Variants in GOLGA4 observed in about 807,000 individuals in gnomAD.
GOLGA4 encodes golgin subfamily A member 4.
In GOLGA4, 169 loss-of-function variants were observed where a neutral mutation model predicts 265.9. The observed-to-expected ratio is 0.64, with a 90% confidence interval of 0.56 to 0.72. GOLGA4 has a LOEUF of 0.72. GOLGA4 is among the 30% of genes least tolerant of loss of function. The probability of loss-of-function intolerance (pLI) is 0.00; values close to 1 mark genes in which losing one functional copy is unlikely to be tolerated. For synonymous variants in GOLGA4, 923 were observed against 855.8 expected (o/e 1.08, Z -1.37); for missense variants, 2,482 against 2,483.4 (o/e 1.00, Z 0.01).
In GOLGA4 at chr3:37,282,176, G is replaced by A; in HGVS notation, c.381G>A (p.Leu127=). The change falls in exon 3 of 24, where the codon TTG becomes TTA. Residue 127 remains leucine, a synonymous_variant. Transcript: ENST00000361924. ...PSDMDSEAED[L]VGNSDSLNKE... ...ATATGGATAGCGAGGCTGAAGACTT[G>A]GTAGGGAATTCAGACAGTCTCAACA... The A allele has an allele frequency of 6.2e-7, 1 of 1,614,078 alleles. No homozygotes were observed. The highest frequency in any genetic ancestry group is 8.5e-7 in the Non-Finnish European group (1 of 1,179,908).
At chr3:37,258,071 A>ATGTATATATG (rs2096758262) in intron 2 of GOLGA4, among the ~76,000 whole-genome samples, 2 of 53,178 alleles carry the variant, frequency 3.8e-5, no homozygotes, top group African/African-American at 1.2e-4. Flanking sequence ...GTATATATGT[A>ATGTATATATG]TATATATATG....
chr3:37,347,095 C>T lies in GOLGA4; in HGVS notation c.6473-98C>T, dbSNP rs539349489. 1.7e-5 allele frequency: 12 copies of T among 689,560 alleles called. No individual in the cohort carries two copies. The Admixed American group carries it at 2.7e-4, about 16-fold the overall frequency. The allele number at this position is 689,560 out of a possible 1,614,324, so 42.7% of individuals were successfully genotyped here. On this transcript the variant is annotated intron_variant, in intron 20 of 23. Transcript: ENST00000361924. ...TGATACAATATAAAAGCATGCCTCT[C>T]TTTGTTCCATTGGTTGTTTTTTAAA...
At chr3:37,306,119 G>A (rs532118370) in intron 10 of GOLGA4, among the ~76,000 whole-genome samples, 8 of 152,294 alleles carry the variant, frequency 5.3e-5, no homozygotes, top group South Asian at 2.1e-4. Context: ...ATACAGTGGT[G>A]TACCGATTTC....
At chr3:37,328,613 G>A (rs2096980021) in intron 15 of GOLGA4, 76 bp downstream of exon 15, 1 of 1,317,172 alleles carries the variant, frequency 7.6e-7, no homozygotes, top group East Asian at 2.4e-5. Context: ...TTTTGCAGTG[G>A]TGGTAAGTGC....
chr3:37,356,274 C>T (rs2097090818), intron 22 of GOLGA4, among the ~76,000 whole-genome samples: 2 of 152,114 alleles, frequency 1.3e-5, no homozygotes, highest in Non-Finnish European at 2.9e-5. Flanking sequence ...CTCTGACTCT[C>T]TGCACAAGGT....
chr3:37,292,718 G>A (rs1490866575), intron 5 of GOLGA4, among the ~76,000 whole-genome samples: 2 of 151,958 alleles, frequency 1.3e-5, no homozygotes, highest in African/African-American at 4.8e-5. Flanking sequence ...AAAACAATTA[G>A]GAAGGACATA....
chr3:37,264,182 C>T (rs2096777560), intron 2 of GOLGA4, among the ~76,000 whole-genome samples: 2 of 152,152 alleles, frequency 1.3e-5, no homozygotes, highest in Admixed American at 1.3e-4. Flanking sequence ...AAATATACTC[C>T]TCTGAAGTTT....
intron 3 of GOLGA4, among the ~76,000 whole-genome samples, chr3:37,283,983 G>A (rs1167972225): frequency 6.6e-6 from 1 of 152,182 alleles, no homozygotes; most frequent in African/African-American, 2.4e-5. Context: ...TAGTTGCAGT[G>A]TCTGGATTTG....
At chr3:37,334,045 C>G (rs2097000766) in intron 16 of GOLGA4, among the ~76,000 whole-genome samples, 1 of 152,148 alleles carries the variant, frequency 6.6e-6, no homozygotes, top group African/African-American at 2.4e-5. Context: ...CCTCATTACT[C>G]AAATCAGATC....
chr3:37,276,493 A>G, intron 2 of GOLGA4: 2 of 1,610,012 alleles, frequency 1.2e-6, no homozygotes, highest in South Asian at 1.1e-5. Flanking sequence ...GCAAATGTAA[A>G]AAGAAGAATT....
chr3:37,323,931 A>G lies in GOLGA4; in HGVS notation c.2045A>G (p.Lys682Arg). 1.9e-6 allele frequency: 3 copies of G among 1,613,724 alleles called. No individual in the cohort carries two copies. Among genetic ancestry groups the G allele is most frequent in the Non-Finnish European group, 2.5e-6 (3 of 1,179,962 alleles). ...AAGACTTTAGAAAAGCTTGATGTGA[A>G]GCAAACAGAACTAGAATCATTATCT... ...NEKTLEKLDV[K>R]QTELESLSSE... Residue 682 changes from lysine (K) to arginine (R), a missense_variant, in exon 14 of 24, where the codon AAG (lysine) becomes AGG (arginine). Lys to Arg is a conservative substitution (Grantham distance 26). Around this residue, in one of 3 missense-constraint regions of GOLGA4, gnomAD observed 1,536 missense variants for 1,483.7 expected, o/e 1.04. Coordinates refer to ENST00000361924, the MANE Select transcript of GOLGA4 (RefSeq NM_002078.5).
chr3:37,281,829 A>G, intron 2 of GOLGA4, 129 bp from the exon 3 acceptor site: 6 of 724,444 alleles, frequency 8.3e-6, no homozygotes, highest in East Asian at 2.5e-5. Context: ...AAAACAATGT[A>G]TTATGTAAAA....
chr3:37,247,558 C>A (rs2096722865), intron 1 of GOLGA4, among the ~76,000 whole-genome samples: 1 of 152,200 alleles, frequency 6.6e-6, no homozygotes, highest in Non-Finnish European at 1.5e-5. Context: ...CTAAGGATGA[C>A]TGGATTAGTT....
chr3:37,330,871 T>C (rs2096987818), intron 16 of GOLGA4, among the ~76,000 whole-genome samples: 1 of 151,402 alleles, frequency 6.6e-6, no homozygotes, highest in Non-Finnish European at 1.5e-5. Context: ...CTACTAAAAA[T>C]AAAAAAAATT....
chr3:37,301,274 G>C lies in GOLGA4; in HGVS notation c.1087-911G>C, dbSNP rs6795083. ...TCCCCTGCCGACCTCCATTTCTAGTGTAGATTATCCAGAAAGAGGGAACAG... is the reference window on the plus strand; with the variant it reads ...TCCCCTGCCGACCTCCATTTCTAGTCTAGATTATCCAGAAAGAGGGAACAG... On this transcript the variant is annotated intron_variant, in intron 9 of 23. Coordinates refer to ENST00000361924, the MANE Select transcript of GOLGA4 (RefSeq NM_002078.5). Among the ~76,000 whole-genome samples the C allele has an allele frequency of 3.4e-3, 525 of 152,272 alleles. 4 individuals are homozygous for C. The highest frequency in any genetic ancestry group is 0.012 in the African/African-American group (501 of 41,548).
intron 2 of GOLGA4, among the ~76,000 whole-genome samples, chr3:37,261,950 A>G (rs1352212616): frequency 6.6e-6 from 1 of 152,310 alleles, no homozygotes; most frequent in East Asian, 1.9e-4. Flanking sequence ...GGAAGGACAA[A>G]GATAATACCT....
chr3:37,334,478 A>G (rs541098185), intron 16 of GOLGA4, among the ~76,000 whole-genome samples: 15 of 152,286 alleles, frequency 9.8e-5, no homozygotes, highest in African/African-American at 3.4e-4. Flanking sequence ...ACAAAGGACC[A>G]TCTGTTGATT....
At position 37,332,724 on chromosome 3, in the gene GOLGA4, T is replaced by C. The variant is rs551992629; in HGVS notation, c.6193-2329T>C. On this transcript the variant is annotated intron_variant, in intron 16 of 23. Coordinates refer to ENST00000361924, the MANE Select transcript of GOLGA4 (RefSeq NM_002078.5). Reference sequence around the variant, plus strand: ...TCCACCGGCAACCATTAGTTTCTTATACTCCAGTGTTTCATTATGTAAACA... The same window carrying C: ...TCCACCGGCAACCATTAGTTTCTTACACTCCAGTGTTTCATTATGTAAACA... Among the ~76,000 whole-genome samples the C allele has an allele frequency of 2.5e-4, 38 of 152,292 alleles. 1 individual carries two copies. In the South Asian group the frequency reaches 7.5e-3, roughly 30 times the overall value.
At chr3:37,275,540 G>A (rs921273206) in intron 2 of GOLGA4, among the ~76,000 whole-genome samples, 1 of 152,160 alleles carries the variant, frequency 6.6e-6, no homozygotes. Flanking sequence ...ATCATTGGCC[G>A]CGGGCTTCGT....
Sources: gnomAD v4.1 joint callset for allele counts (sites outside exome capture counted in the v4.1 genomes callset) on GRCh38, gnomAD v4.1.1 for gene constraint, gnomAD v4.1.1 regional missense constraint, MANE v1.5 for transcripts, NCBI Gene and HGNC (gene_info 2026-07-23, HGNC 2026-07-21) for gene names.